The following LYPD6B variants were observed in gnomAD, a reference collection of about 807,000 sequenced individuals.
LYPD6B encodes ly6/PLAUR domain-containing protein 6B.
LYPD6B carries 17 observed loss-of-function variants against 22.8 expected under a neutral mutation model. The ratio of observed to expected loss-of-function variants is 0.75; its 90% CI spans 0.51 to 1.12. LYPD6B has a LOEUF of 1.12. Ranked by LOEUF, LYPD6B falls within the 50% of genes most tolerant of loss-of-function variation. The probability of loss-of-function intolerance (pLI) is 0.00; values close to 1 mark genes in which losing one functional copy is unlikely to be tolerated. For missense variants in LYPD6B, 221 were observed against 258.3 expected (o/e 0.86, Z 0.99); for synonymous variants, 106 against 91.6 (o/e 1.16, Z -0.90).
At chr2:149,103,610 C>T (rs1262667907) in intron 1 of LYPD6B, among the ~76,000 whole-genome samples, 1 of 151,942 alleles carries the variant, frequency 6.6e-6, no homozygotes, top group African/African-American at 2.4e-5. Flanking sequence ...TTCATCACCC[C>T]CAAATGTTTT....
At chr2:149,213,551 C>A (rs1160898257) in intron 6 of LYPD6B, among the ~76,000 whole-genome samples, 1 of 152,200 alleles carries the variant, frequency 6.6e-6, no homozygotes, top group Non-Finnish European at 1.5e-5. Context: ...CGTTCTCATT[C>A]TATCATTCTA....
intron 1 of LYPD6B, among the ~76,000 whole-genome samples, chr2:149,087,562 TAA>T (rs59650795): frequency 6.7e-6 from 1 of 148,878 alleles, no homozygotes; most frequent in Non-Finnish European, 1.5e-5. Flanking sequence ...TGTGACTGTC[TAA>T]AAAAAAAAAT....
At chr2:149,072,482 T>TTTTTTTTTTATTTTA (rs560532209) in intron 1 of LYPD6B, among the ~76,000 whole-genome samples, 4 of 129,844 alleles carry the variant, frequency 3.1e-5, no homozygotes, top group Non-Finnish European at 3.3e-5. Flanking sequence ...AGGGTGGTTA[T>TTTTTTTTTTATTTTA]TTTTATTTTA....
At chr2:149,188,718 C>T in intron 3 of LYPD6B, 1 of 980,064 alleles carries the variant, frequency 1.0e-6, no homozygotes, top group Non-Finnish European at 1.2e-6. Context: ...AGGAGGTCGC[C>T]TGGCTCCAGA....
At chr2:149,072,261 G>C (rs1684641978) in intron 1 of LYPD6B, among the ~76,000 whole-genome samples, 1 of 152,120 alleles carries the variant, frequency 6.6e-6, no homozygotes, top group African/African-American at 2.4e-5. Context: ...AAACACATAA[G>C]TAAACATACA....
chr2:149,081,921 C>T (rs893527295), intron 1 of LYPD6B, among the ~76,000 whole-genome samples: 4 of 151,974 alleles, frequency 2.6e-5, no homozygotes, highest in Non-Finnish European at 5.9e-5. Context: ...TTCATTTATC[C>T]CAATGGTTGT....
intron 2 of LYPD6B, among the ~76,000 whole-genome samples, chr2:149,132,315 A>G (rs1189002333): frequency 2.7e-5 from 4 of 150,894 alleles, no homozygotes; most frequent in Non-Finnish European, 5.9e-5. Flanking sequence ...CAAAGGGTTC[A>G]TGTAGAAATG....
intron 1 of LYPD6B, among the ~76,000 whole-genome samples, chr2:149,123,847 G>A (rs747962814): frequency 1.3e-5 from 2 of 152,210 alleles, no homozygotes; most frequent in Non-Finnish European, 2.9e-5. Flanking sequence ...CCGACAGAGA[G>A]AGACTTCGTC....
Position 149,214,728 on chromosome 2 carries a change from G to T in LYPD6B, c.*18G>T, listed in dbSNP as rs368218669. ...TGCTGTGATGCCACCATTCCTAGGA[G>T]AGGCAGAGACCAGCCTCTAAAGCAC... is the stretch of plus-strand genomic sequence containing the variant. On this transcript the variant is annotated 3_prime_UTR_variant, in exon 7 of 7. Coordinates refer to ENST00000409642, the MANE Select transcript of LYPD6B (RefSeq NM_177964.5). The T allele has an allele frequency of 2.5e-6, 4 of 1,613,506 alleles. No individual in the cohort carries two copies. The highest frequency in any genetic ancestry group is 3.4e-6 in the Non-Finnish European group (4 of 1,179,618).
chr2:149,175,981 T>C (rs1448581207), intron 3 of LYPD6B, among the ~76,000 whole-genome samples: 3 of 152,184 alleles, frequency 2.0e-5, no homozygotes, highest in African/African-American at 4.8e-5. Context: ...TAAATAAAAG[T>C]ATACTCTAAA....
At chr2:149,188,339 A>G (rs994359419) in intron 3 of LYPD6B, among the ~76,000 whole-genome samples, 1 of 152,228 alleles carries the variant, frequency 6.6e-6, no homozygotes, top group East Asian at 1.9e-4. Context: ...CCTACCTTGG[A>G]TCTCTTCTAA....
chr2:149,138,488 C>G (rs1688496654), intron 2 of LYPD6B, among the ~76,000 whole-genome samples: 1 of 152,172 alleles, frequency 6.6e-6, no homozygotes, highest in African/African-American at 2.4e-5. Flanking sequence ...ATCTTTCCAC[C>G]TAGCAAATAA....
chr2:149,110,092 C>A (rs1342906521), intron 1 of LYPD6B, among the ~76,000 whole-genome samples: 1 of 152,076 alleles, frequency 6.6e-6, no homozygotes, highest in Non-Finnish European at 1.5e-5. Context: ...GAAGTCATCT[C>A]ATCTTTTGTT....
intron 2 of LYPD6B, among the ~76,000 whole-genome samples, chr2:149,151,179 G>A (rs1481645875): frequency 6.6e-6 from 1 of 152,014 alleles, no homozygotes; most frequent in Non-Finnish European, 1.5e-5. Flanking sequence ...TGAATGGGTG[G>A]GGCTCTCCTG....
intron 3 of LYPD6B, among the ~76,000 whole-genome samples, chr2:149,179,289 G>A (rs1033165041): frequency 1.4e-4 from 22 of 152,164 alleles, no homozygotes; most frequent in African/African-American, 2.2e-4. Flanking sequence ...TTTCAGAGAC[G>A]GCACACACAG....
chr2:149,120,383 A>ATATATTTTTTTTTTTTTTT (rs1327065975), intron 1 of LYPD6B, among the ~76,000 whole-genome samples: 1 of 48,614 alleles, frequency 2.1e-5, no homozygotes, highest in African/African-American at 1.1e-4. Context: ...ATATATATAT[A>ATATATTTTTTTTTTTTTTT]TTTTTTTTTT....
chr2:149,096,306 G>A (rs1685901828), intron 1 of LYPD6B, among the ~76,000 whole-genome samples: 1 of 152,162 alleles, frequency 6.6e-6, no homozygotes, highest in Non-Finnish European at 1.5e-5. Context: ...AGAAAAATGG[G>A]CAGTAGGATG....
At chr2:149,201,398 A>T (rs11894546) in intron 3 of LYPD6B, among the ~76,000 whole-genome samples, 77,782 of 152,106 alleles carry the variant, frequency 0.51, 20,298 homozygotes, top group Non-Finnish European at 0.55. Context: ...TATAAGCTCT[A>T]TTGTGACCTT....
rs1309242567 is a variant in LYPD6B, at chr2:149,059,071, G to A, written c.-67+20270G>A. On this transcript the variant is annotated intron_variant, in intron 1 of 6. Transcript: ENST00000409642. ...CTCTCTGTAGGTATTGCCAGGCCAC[G>A]GAGCCCTGTCTCTTTGAGGGAAGCC... Among the ~76,000 whole-genome samples, 7 of 152,202 alleles carry A rather than the reference G, an allele frequency of 4.6e-5. No individual in the cohort carries two copies. In the East Asian group the frequency reaches 7.7e-4, roughly 17 times the overall value.
Sources: gnomAD v4.1 joint callset for allele counts (sites outside exome capture counted in the v4.1 genomes callset) on GRCh38, gnomAD v4.1.1 for gene constraint, MANE v1.5 for transcripts, NCBI Gene and HGNC (gene_info 2026-07-23, HGNC 2026-07-21) for gene names.